The following NAV2 variants were observed in gnomAD, a reference collection of about 807,000 sequenced individuals.
NAV2 encodes helicase, APC down-regulated 1.
NAV2 carries 54 observed loss-of-function variants against 223.2 expected under a neutral mutation model. That is an observed-to-expected ratio of 0.24 (90% CI 0.19 to 0.30). The LOEUF (loss-of-function observed/expected upper bound fraction) is 0.30. Ranked by LOEUF, NAV2 falls within the 10% of genes least tolerant of loss-of-function variation. The probability of loss-of-function intolerance (pLI) is 1.00; values close to 1 mark genes in which losing one functional copy is unlikely to be tolerated. For synonymous variants in NAV2, 1,279 were observed against 1,239.3 expected (o/e 1.03, Z -0.67); for missense variants, 2,806 against 3,147.5 (o/e 0.89, Z 2.60).
rs938001805 is a variant in NAV2 at position 20,121,015 on chromosome 11, T to C, written c.*2757T>C. The C allele has an allele frequency of 2.6e-5, 4 of 152,526 alleles. No homozygotes were observed. The highest frequency in any genetic ancestry group is 2.9e-5 in the Non-Finnish European group (2 of 68,036). 9.4% of individuals were successfully genotyped at this position (152,526 alleles called of 1,614,324 possible). On this transcript the variant is annotated 3_prime_UTR_variant, in exon 38 of 38. Transcript: ENST00000349880. ...CTGCCAAGAATGATACAGGCCATAATTGAAATGGGAATACCTTTTAAGTTT... is the reference window on the plus strand; with the variant it reads ...CTGCCAAGAATGATACAGGCCATAACTGAAATGGGAATACCTTTTAAGTTT...
intron 1 of NAV2, among the ~76,000 whole-genome samples, chr11:19,510,272 A>G (rs11025162): frequency 0.33 from 49,939 of 152,062 alleles, 8,730 homozygotes; most frequent in South Asian, 0.4. Flanking sequence ...CCTCACAGTT[A>G]CACTATGAGT....
In NAV2 at chr11:19,597,248, A is replaced by G. The variant is rs562914492; in HGVS notation, c.76-235236A>G. ...AAATGCATCTCCCAGAGCTCCTAAC[A>G]CATAAGAAGTGCTCAATAAATCTAT... On this transcript the variant is annotated intron_variant, in intron 1 of 37. Transcript: ENST00000360655. 9.2e-5 allele frequency among the ~76,000 whole-genome samples: 14 copies of G among 152,348 alleles called. No homozygotes were observed. The East Asian group carries it at 2.7e-3, about 29-fold the overall frequency.
intron 10 of NAV2, among the ~76,000 whole-genome samples, chr11:19,959,678 A>T (rs1001904590): frequency 3.9e-5 from 6 of 152,156 alleles, no homozygotes; most frequent in Admixed American, 3.3e-4. Context: ...AACATATTTC[A>T]TGCTCTTCCC....
chr11:19,384,303 G>T (rs951940477), intron 1 of NAV2, among the ~76,000 whole-genome samples: 1 of 152,146 alleles, frequency 6.6e-6, no homozygotes, highest in Non-Finnish European at 1.5e-5. Flanking sequence ...ATTTTCCATG[G>T]TAAACAGATA....
intron 1 of NAV2, among the ~76,000 whole-genome samples, chr11:19,383,087 T>G (rs943067609): frequency 7.2e-5 from 11 of 152,198 alleles, no homozygotes; most frequent in African/African-American, 2.7e-4. Flanking sequence ...TAACTGAGGC[T>G]TAGGAAGAAA....
At chr11:19,697,178 G>A (rs1444681035) in intron 1 of NAV2, among the ~76,000 whole-genome samples, 1 of 152,142 alleles carries the variant, frequency 6.6e-6, no homozygotes, top group African/African-American at 2.4e-5. Flanking sequence ...ACGTAAGAAT[G>A]GAAAACCAAA....
chr11:19,904,577 A>G (rs2042712045), intron 6 of NAV2, among the ~76,000 whole-genome samples: 1 of 152,200 alleles, frequency 6.6e-6, no homozygotes, highest in South Asian at 2.1e-4. Flanking sequence ...GAAATAAAGG[A>G]TGTTTTTGAA....
At chr11:19,591,338 C>A (rs2046053475) in intron 1 of NAV2, 1 of 152,250 alleles carries the variant, frequency 6.6e-6, no homozygotes, top group South Asian at 2.1e-4. Flanking sequence ...TGACTGCCTT[C>A]ATTTGTCACG....
chr11:19,786,413 G>T (rs530448521), intron 1 of NAV2, among the ~76,000 whole-genome samples: 14 of 152,312 alleles, frequency 9.2e-5, no homozygotes, highest in Admixed American at 5.2e-4. Flanking sequence ...CATACACTAA[G>T]TGTTCAATTA....
At chr11:19,708,035 C>A (rs2049724638), upstream of NAV2, among the ~76,000 whole-genome samples, 1 of 152,196 alleles carries the variant, frequency 6.6e-6, no homozygotes, top group Non-Finnish European at 1.5e-5. Context: ...CTAGCTTCTG[C>A]AGGTAGGGGA....
At chr11:19,642,059 G>T (rs532466782) in intron 1 of NAV2, among the ~76,000 whole-genome samples, 1 of 152,004 alleles carries the variant, frequency 6.6e-6, no homozygotes, top group African/African-American at 2.4e-5. Flanking sequence ...AATTAATGAC[G>T]GGCTGCTCTG....
intron 5 of NAV2, among the ~76,000 whole-genome samples, chr11:19,886,820 A>T (rs2041033919): frequency 6.6e-6 from 1 of 152,172 alleles, no homozygotes; most frequent in South Asian, 2.1e-4. Context: ...GGCTGGGCAC[A>T]GTGCTTCTGG....
At chr11:19,885,585 T>C (rs1180941099) in intron 5 of NAV2, among the ~76,000 whole-genome samples, 1 of 152,252 alleles carries the variant, frequency 6.6e-6, no homozygotes, top group African/African-American at 2.4e-5. Context: ...CACCCTATTC[T>C]TGGTTCACAG....
At chr11:19,907,886 C>T (rs1261348901) in intron 6 of NAV2, among the ~76,000 whole-genome samples, 2 of 152,116 alleles carry the variant, frequency 1.3e-5, no homozygotes, top group East Asian at 3.9e-4. Context: ...ACTTGCTGCC[C>T]CATTGCTGGG....
At chr11:20,062,286 C>G in intron 19 of NAV2, 21 bp from the exon 20 acceptor site, 1 of 1,380,296 alleles carries the variant, frequency 7.2e-7, no homozygotes, top group South Asian at 1.3e-5. Context: ...ATCAATTCAC[C>G]TTTTTTTTTT....
At chr11:19,504,035 C>T (rs57194578) in intron 1 of NAV2, among the ~76,000 whole-genome samples, 22 of 152,268 alleles carry the variant, frequency 1.4e-4, no homozygotes, top group African/African-American at 4.3e-4. Flanking sequence ...CCAAGATATA[C>T]GGATGGCAAA....
chr11:20,016,924 T>C (rs537734678), intron 11 of NAV2, among the ~76,000 whole-genome samples: 261 of 151,876 alleles, frequency 1.7e-3, no homozygotes, highest in African/African-American at 6.0e-3. Flanking sequence ...GAGAATTGCA[T>C]GAACCTGGGA....
chr11:19,485,921 C>G (rs537058822), intron 1 of NAV2, among the ~76,000 whole-genome samples: 209 of 152,122 alleles, frequency 1.4e-3, no homozygotes, highest in Non-Finnish European at 2.3e-3. Flanking sequence ...AAAGCTTGAA[C>G]CTGATTGCAG....
chr11:19,435,612 G>A (rs1351895698), intron 1 of NAV2, among the ~76,000 whole-genome samples: 1 of 152,138 alleles, frequency 6.6e-6, no homozygotes, highest in East Asian at 1.9e-4. Flanking sequence ...GCTGGGTCAT[G>A]TGGTAATTCT....
Sources: gnomAD v4.1 joint callset for allele counts (sites outside exome capture counted in the v4.1 genomes callset) on GRCh38, gnomAD v4.1.1 for gene constraint, MANE v1.5 for transcripts, NCBI Gene and HGNC (gene_info 2026-07-23, HGNC 2026-07-21) for gene names.